The following BTBD10 variants were observed in gnomAD, a reference collection of about 807,000 sequenced individuals.
BTBD10 encodes the protein BTB domain containing 10.
BTBD10 carries 21 observed loss-of-function variants against 53.2 expected under a neutral mutation model. That is an observed-to-expected ratio of 0.39 (90% CI 0.28 to 0.57). The LOEUF (loss-of-function observed/expected upper bound fraction) is 0.57, where lower values mean the gene tolerates loss of function less well. Ranked by LOEUF, BTBD10 falls within the 20% of genes least tolerant of loss-of-function variation. The pLI is 0.53. For synonymous variants in BTBD10, 149 were observed against 192.7 expected, an observed-to-expected ratio of 0.77 and a Z score of 1.88; for missense variants, 360 against 594.7, an observed-to-expected ratio of 0.61 and a Z score of 4.10.
intron 1 of BTBD10, among the ~76,000 whole-genome samples, chr11:13,452,489 A>C (rs1223687638): frequency 1.3e-5 from 2 of 152,224 alleles, no homozygotes; most frequent in Admixed American, 1.3e-4. Context: ...GATTTTAATT[A>C]ATACATAAAA....
At chr11:13,400,431 C>T (rs1374390329) in intron 8 of BTBD10, among the ~76,000 whole-genome samples, 3 of 152,212 alleles carry the variant, frequency 2.0e-5, no homozygotes, top group African/African-American at 7.2e-5. Context: ...CCCGATTTTC[C>T]AGGTGCTGTC....
intron 2 of BTBD10, among the ~76,000 whole-genome samples, chr11:13,427,857 T>C (rs1950372163): frequency 6.6e-6 from 1 of 152,122 alleles, no homozygotes; most frequent in South Asian, 2.1e-4. Flanking sequence ...AATTAAATAA[T>C]ATCTTTACCT....
At chr11:13,440,135 G>A (rs1371856195) in intron 2 of BTBD10, 3 of 1,505,252 alleles carry the variant, frequency 2.0e-6, no homozygotes, top group African/African-American at 1.4e-5. Context: ...TCCCTCTACT[G>A]TGTAATAATG....
chr11:13,397,621 T>A (rs1454502331), intron 8 of BTBD10, among the ~76,000 whole-genome samples: 4 of 152,222 alleles, frequency 2.6e-5, no homozygotes, highest in Non-Finnish European at 5.9e-5. Flanking sequence ...CTAGTTCTTT[T>A]AATTGTGATG....
intron 8 of BTBD10, among the ~76,000 whole-genome samples, chr11:13,396,126 G>A (rs1389302596): frequency 6.6e-6 from 1 of 152,132 alleles, no homozygotes; most frequent in Middle Eastern, 3.2e-3. Context: ...AAATTACCTT[G>A]AGCAGTATGG....
chr11:13,461,444 C>T (rs1951093987), intron 1 of BTBD10, among the ~76,000 whole-genome samples: 1 of 152,180 alleles, frequency 6.6e-6, no homozygotes, highest in African/African-American at 2.4e-5. Context: ...TTTTCATTAT[C>T]TAACTAGTAC....
chr11:13,433,297 T>C (rs1426977489), intron 2 of BTBD10, among the ~76,000 whole-genome samples: 1 of 152,196 alleles, frequency 6.6e-6, no homozygotes, highest in African/African-American at 2.4e-5. Flanking sequence ...ACTTTGCTTA[T>C]AGGCCATAGG....
chr11:13,394,253 G>A (rs1402195805), intron 8 of BTBD10, among the ~76,000 whole-genome samples: 1 of 152,158 alleles, frequency 6.6e-6, no homozygotes, highest in Non-Finnish European at 1.5e-5. Context: ...TAATCCCAAC[G>A]TGTCAGGAGA....
At chr11:13,443,277 TAA>T (rs1290786235) in intron 2 of BTBD10, among the ~76,000 whole-genome samples, 1 of 151,418 alleles carries the variant, frequency 6.6e-6, no homozygotes, top group African/African-American at 2.4e-5. Context: ...AAAACAGCAC[TAA>T]AAAGTTACTG....
rs749884249 is a variant in BTBD10 at position 13,403,282 on chromosome 11, G to C, written c.1007-4C>G. The stretch of plus-strand genomic sequence containing the variant: ...TATAATTTTGTGCTATAAATAACTA[G>C]AAACAAAAAGAAAAATATTATTGTA... On this transcript the variant is annotated splice_polypyrimidine_tract_variant and splice_region_variant and intron_variant, in intron 7 of 8. Coordinates refer to ENST00000278174, the MANE Select transcript of BTBD10 (RefSeq NM_032320.7). 1.2e-5 allele frequency: 15 copies of C among 1,295,240 alleles called. No homozygotes were observed. Among genetic ancestry groups the C allele is most frequent in the Admixed American group, 1.0e-4 (4 of 38,940 alleles). 80.2% of individuals were successfully genotyped at this position (1,295,240 alleles called of 1,614,324 possible).
chr11:13,456,210 T>G (rs956867002), intron 1 of BTBD10, among the ~76,000 whole-genome samples: 6 of 152,088 alleles, frequency 3.9e-5, no homozygotes, highest in Admixed American at 1.3e-4. Context: ...TTTCAATAAT[T>G]GAAAGTCTGT....
intron 6 of BTBD10, 76 bp downstream of exon 6, chr11:13,413,454 T>C (rs1032454554): frequency 2.2e-5 from 28 of 1,287,600 alleles, no homozygotes; most frequent in South Asian, 3.6e-5. Flanking sequence ...ACTAGGTAAA[T>C]AGCACTAATT....
At chr11:13,461,930 C>CTTT (rs564388278) in intron 1 of BTBD10, among the ~76,000 whole-genome samples, 20 of 135,994 alleles carry the variant, frequency 1.5e-4, no homozygotes, top group East Asian at 4.3e-4. Flanking sequence ...TCTTCTCACA[C>CTTT]TTTTTTTTTT....
intron 6 of BTBD10, among the ~76,000 whole-genome samples, chr11:13,406,799 CAATT>C (rs1436385239): frequency 1.3e-5 from 2 of 151,606 alleles, no homozygotes; most frequent in Non-Finnish European, 2.9e-5. Context: ...TAACATATTA[CAATT>C]AATATAATTG....
At chr11:13,457,968 A>G (rs998341090) in intron 1 of BTBD10, among the ~76,000 whole-genome samples, 1 of 152,066 alleles carries the variant, frequency 6.6e-6, no homozygotes, top group African/African-American at 2.4e-5. Context: ...TTTTTATAGG[A>G]AATTTTTCAA....
intron 1 of BTBD10, among the ~76,000 whole-genome samples, chr11:13,455,738 T>C (rs1269706775): frequency 6.6e-6 from 1 of 152,230 alleles, no homozygotes; most frequent in African/African-American, 2.4e-5. Flanking sequence ...AAGGAGATTA[T>C]GGTCAACTCC....
intron 8 of BTBD10, among the ~76,000 whole-genome samples, chr11:13,397,358 G>C (rs1363354184): frequency 6.6e-6 from 1 of 152,150 alleles, no homozygotes; most frequent in Non-Finnish European, 1.5e-5. Context: ...TCTGATGGTA[G>C]TTTGTATTTC....
intron 2 of BTBD10, among the ~76,000 whole-genome samples, chr11:13,427,033 G>A (rs918511660): frequency 2.0e-5 from 3 of 151,984 alleles, no homozygotes; most frequent in Admixed American, 6.6e-5. Context: ...CTTTGGCAAC[G>A]TGGCAAAGCC....
chr11:13,442,399 A>T (rs1449692932), intron 2 of BTBD10, among the ~76,000 whole-genome samples: 1 of 152,134 alleles, frequency 6.6e-6, no homozygotes, highest in Non-Finnish European at 1.5e-5. Flanking sequence ...ACAATGAGAA[A>T]CTTGTTTATA....
Sources: gnomAD v4.1 joint callset for allele counts (sites outside exome capture counted in the v4.1 genomes callset) on GRCh38, gnomAD v4.1.1 for gene constraint, MANE v1.5 for transcripts, NCBI Gene and HGNC (gene_info 2026-07-23, HGNC 2026-07-21) for gene names.